The following MEGF11 variants were observed in gnomAD, a reference collection of about 807,000 sequenced individuals.
MEGF11 encodes the protein multiple EGF like domains 11, also known as multiple epidermal growth factor-like domains protein 11.
In MEGF11, 126 loss-of-function variants were observed where a neutral mutation model predicts 146.6. That is an observed-to-expected ratio of 0.86 (90% CI 0.74 to 1.00). The LOEUF is 1.00. Ranked by LOEUF, MEGF11 falls within the 50% of genes least tolerant of loss-of-function variation. The probability of loss-of-function intolerance (pLI) is 0.00; values close to 1 mark genes in which losing one functional copy is unlikely to be tolerated. For synonymous variants in MEGF11, 532 were observed against 583.4 expected (o/e 0.91, Z 1.27); for missense variants, 1,509 against 1,521.2 (o/e 0.99, Z 0.13).
At position 65,910,115 on chromosome 15, in the gene MEGF11, G is replaced by A. The variant is rs190768520; in HGVS notation, c.2830-309C>T. ...CAGATTAGCTGGGGGGTGGGGCTGA[G>A]CTTTAGGAGAGGGGCCTCTGGTGAT... is the stretch of plus-strand genomic sequence containing the variant. On this transcript the variant is annotated intron_variant, in intron 21 of 25. Transcript: ENST00000395614. 187 of 523,758 alleles carry A rather than the reference G, an allele frequency of 3.6e-4. 3 individuals are homozygous for A. Among genetic ancestry groups the A allele is most frequent in the South Asian group, 2.8e-3 (170 of 59,858 alleles). 32.4% of individuals were successfully genotyped at this position (523,758 alleles called of 1,614,324 possible). A position where few individuals can be genotyped will look rare whatever the true frequency, so the allele number is the denominator to read the frequency against.
chr15:65,936,444 T>C (rs2079791743), intron 10 of MEGF11, among the ~76,000 whole-genome samples: 1 of 152,222 alleles, frequency 6.6e-6, no homozygotes, highest in South Asian at 2.1e-4. Flanking sequence ...ACATGCTGGC[T>C]TCTACTGTGG....
At chr15:65,995,527 A>G (rs1171964900) in intron 5 of MEGF11, among the ~76,000 whole-genome samples, 1 of 152,242 alleles carries the variant, frequency 6.6e-6, no homozygotes, top group African/African-American at 2.4e-5. Context: ...ATCATTGGCC[A>G]GTAACAGCCC....
rs138212367 is a variant in MEGF11 at position 65,965,595 on chromosome 15, TC to T, written c.900-476del. Among the ~76,000 whole-genome samples, 307 of 32,794 alleles carry T rather than the reference TC, an allele frequency of 9.4e-3. 9 individuals carry two copies. The highest frequency in any genetic ancestry group is 0.052 in the East Asian group (37 of 718). The allele number at this position is 32,794 out of a possible 152,430, so 21.5% of individuals were successfully genotyped here. A position where few individuals can be genotyped will look rare whatever the true frequency, so the allele number is the denominator to read the frequency against. On this transcript the variant is annotated intron_variant, in intron 8 of 25. Transcript: ENST00000395614. ...CCCTTTCTTTCTTTCTTTCTTTCTTTCTTTCTTTTTTTTTTTTCTTTTTTTT... is the reference window on the plus strand; with the variant it reads ...CCCTTTCTTTCTTTCTTTCTTTCTTTTTTCTTTTTTTTTTTTCTTTTTTTT...
At chr15:66,186,636 G>T (rs946121286) in intron 1 of MEGF11, among the ~76,000 whole-genome samples, 1 of 152,170 alleles carries the variant, frequency 6.6e-6, no homozygotes, top group African/African-American at 2.4e-5. Flanking sequence ...TCACCGAGTG[G>T]TCCTGATCCA....
chr15:66,128,383 C>T lies in MEGF11; in HGVS notation c.21G>A (p.Gly7=), dbSNP rs74480547. 3 of 1,520,502 alleles carry T rather than the reference C, an allele frequency of 2.0e-6. No homozygotes were observed. The highest frequency in any genetic ancestry group is 2.6e-5 in the East Asian group (1 of 38,158). The allele number at this position is 1,520,502 out of a possible 1,614,324, so 94.2% of individuals were successfully genotyped here. A position where few individuals can be genotyped will look rare whatever the true frequency, so the allele number is the denominator to read the frequency against. MVLSLT[G]LIAFSFLQAT... is the part of the protein sequence containing the mutation. Reference sequence around the variant, plus strand: ...CTTGCAGGAAGGAGAAGGCAATGAGCCCCGTCAGGGAGAGCACCATCCCGG... The same window carrying T: ...CTTGCAGGAAGGAGAAGGCAATGAGTCCCGTCAGGGAGAGCACCATCCCGG... Residue 7 remains glycine, a synonymous_variant, in exon 2 of 26, where the codon GGG becomes GGA. Transcript: ENST00000395614.
chr15:65,929,645 T>C, intron 12 of MEGF11, 75 bp downstream of exon 12: 1 of 1,487,592 alleles, frequency 6.7e-7, no homozygotes, highest in Middle Eastern at 2.3e-4. Context: ...TGCACTCTTG[T>C]GGACGAACTA....
intron 10 of MEGF11, among the ~76,000 whole-genome samples, chr15:65,939,271 GT>G (rs1274844487): frequency 3.9e-5 from 6 of 152,168 alleles, no homozygotes; most frequent in Admixed American, 2.6e-4. Context: ...GGAGGAGTAG[GT>G]GGGGTAGGAT....
Position 66,029,727 on chromosome 15 carries a change from C to T in MEGF11, c.395-47239G>A, listed in dbSNP as rs138881546. 1.5e-3 allele frequency among the ~76,000 whole-genome samples: 234 copies of T among 152,226 alleles called. 1 individual carries two copies. Among genetic ancestry groups the T allele is most frequent in the Middle Eastern group, 6.8e-3 (2 of 294 alleles). ...CTCTGTCCTGGGAGCTGAGTGGGGACCTCTGTGCCTTCCTCTCTCCCTCCC... is the reference window on the plus strand; with the variant it reads ...CTCTGTCCTGGGAGCTGAGTGGGGATCTCTGTGCCTTCCTCTCTCCCTCCC... On this transcript the variant is annotated intron_variant, in intron 5 of 25. Coordinates refer to ENST00000395614, the MANE Select transcript of MEGF11 (RefSeq NM_001385028.1).
chr15:65,965,181 A>G, intron 8 of MEGF11, 61 bp from the exon 9 acceptor site: 1 of 1,391,648 alleles, frequency 7.2e-7, no homozygotes, highest in Non-Finnish European at 9.8e-7. Flanking sequence ...GTGCTTCAAG[A>G]TCCTCCAGGA....
intron 10 of MEGF11, among the ~76,000 whole-genome samples, chr15:65,949,182 G>A (rs893527610): frequency 1.3e-5 from 2 of 152,232 alleles, no homozygotes; most frequent in Non-Finnish European, 2.9e-5. Flanking sequence ...CAGCTTAGGA[G>A]CCACCCAAGA....
At chr15:66,244,991 T>C (rs956709186) in intron 1 of MEGF11, among the ~76,000 whole-genome samples, 1 of 152,132 alleles carries the variant, frequency 6.6e-6, no homozygotes, top group Non-Finnish European at 1.5e-5. Context: ...CAGCAGCATA[T>C]TAAGTGCCAA....
rs773547123 is a variant in MEGF11, at chr15:65,922,464, G to C, written c.1831C>G (p.Pro611Ala). The C allele has an allele frequency of 1.3e-6, 2 of 1,573,244 alleles. No individual in the cohort carries two copies. Among genetic ancestry groups the C allele is most frequent in the Admixed American group, 1.9e-5 (1 of 53,650 alleles). ...GCGCAGCCGTGGCCATAGAACCCAG[G>C]GGGGCAGACTGAGGGTGAAGGGAAG... The part of the protein sequence containing the change: ...RGPLCQRICP[P>A]GFYGHGCAQP... Residue 611 changes from proline (P) to alanine (A), a missense_variant, in exon 15 of 26, where the codon CCT becomes GCT. Physicochemically the swap from Pro to Ala is conservative, Grantham distance 27. Transcript: ENST00000395614.
intron 5 of MEGF11, among the ~76,000 whole-genome samples, chr15:66,080,787 C>T (rs2085815460): frequency 6.6e-6 from 1 of 152,252 alleles, no homozygotes; most frequent in Non-Finnish European, 1.5e-5. Flanking sequence ...CTGTCCCCGT[C>T]ACGGTGACTG....
intron 21 of MEGF11, among the ~76,000 whole-genome samples, chr15:65,910,360 G>C (rs1004285832): frequency 6.7e-6 from 1 of 149,338 alleles, no homozygotes; most frequent in Non-Finnish European, 1.5e-5. Flanking sequence ...ATGAGGCAAG[G>C]ATGGTTATCC....
chr15:65,897,334 T>C lies in MEGF11; in HGVS notation c.*600A>G, dbSNP rs1046937331. Reference sequence around the variant, plus strand: ...GGGGGCAGAAGAAAGTAAAGTCTTGTTTTTTAAAATAGAAGTTGTCAGCAT... The same window carrying C: ...GGGGGCAGAAGAAAGTAAAGTCTTGCTTTTTAAAATAGAAGTTGTCAGCAT... On this transcript the variant is annotated 3_prime_UTR_variant, in exon 26 of 26. Coordinates refer to ENST00000395614, the MANE Select transcript of MEGF11 (RefSeq NM_001385028.1). 1 of 152,224 alleles carries C rather than the reference T, an allele frequency of 6.6e-6. No homozygotes were observed. The allele number at this position is 152,224 out of a possible 1,614,324, so 9.4% of individuals were successfully genotyped here.
At chr15:65,915,732 G>A (rs2141217470) in intron 18 of MEGF11, 134 bp from the exon 19 acceptor site, 1 of 1,173,850 alleles carries the variant, frequency 8.5e-7, no homozygotes, top group Non-Finnish European at 1.2e-6. Flanking sequence ...TCCTGTTGAG[G>A]AGCATTTATA....
At chr15:66,134,621 G>A (rs2088808350) in intron 1 of MEGF11, among the ~76,000 whole-genome samples, 1 of 152,220 alleles carries the variant, frequency 6.6e-6, no homozygotes, top group Non-Finnish European at 1.5e-5. Flanking sequence ...GCCTCCCAGG[G>A]CCCTTCAGCT....
chr15:66,065,226 T>A (rs940159931), intron 5 of MEGF11, among the ~76,000 whole-genome samples: 2 of 147,780 alleles, frequency 1.4e-5, no homozygotes, highest in Non-Finnish European at 3.0e-5. Flanking sequence ...GATGGAAAAA[T>A]GAAACTTTGC....
intron 5 of MEGF11, among the ~76,000 whole-genome samples, chr15:66,023,151 A>AAAC (rs1555462458): frequency 6.7e-6 from 1 of 150,116 alleles, no homozygotes; most frequent in Non-Finnish European, 1.5e-5. Flanking sequence ...AAAAAAAAAA[A>AAAC]AAAACAAACT....
Sources: allele counts gnomAD v4.1 joint callset (sites outside exome capture counted in the v4.1 genomes callset), GRCh38; gene constraint gnomAD v4.1.1; transcripts MANE v1.5; gene names NCBI Gene and HGNC (gene_info 2026-07-23, HGNC 2026-07-21).